Variants in PLCB4 observed in about 807,000 individuals in gnomAD.
PLCB4 encodes phospholipase C beta 4, also known as 1-phosphatidylinositol 4,5-bisphosphate phosphodiesterase beta-4.
PLCB4 carries 77 observed loss-of-function variants against 178.8 expected under a neutral mutation model. That is an observed-to-expected ratio of 0.43 (90% CI 0.36 to 0.52). The LOEUF is 0.52. Ranked by LOEUF, PLCB4 falls within the 20% of genes least tolerant of loss-of-function variation. The pLI is 0.00. For synonymous variants in PLCB4, 496 were observed against 490.8 expected, an observed-to-expected ratio of 1.01 and a Z score of -0.14; for missense variants, 1,024 against 1,453.4, an observed-to-expected ratio of 0.70 and a Z score of 4.80.
At chr20:9,203,056 AATATAT>A (rs55690764) in intron 2 of PLCB4, among the ~76,000 whole-genome samples, 72 of 126,148 alleles carry the variant, frequency 5.7e-4, no homozygotes, top group East Asian at 5.2e-3. Flanking sequence ...AAAAAAAAAA[AATATAT>A]ATATATATAT....
chr20:9,337,496 G>C (rs573487885), intron 5 of PLCB4, among the ~76,000 whole-genome samples: 86 of 152,250 alleles, frequency 5.6e-4, no homozygotes, highest in Non-Finnish European at 1.0e-3. Context: ...TTAATCTTGG[G>C]AGTTAGAAAG....
At chr20:9,194,674 C>A in intron 2 of PLCB4, among the ~76,000 whole-genome samples, 1 of 110,740 alleles carries the variant, frequency 9.0e-6, no homozygotes, top group Non-Finnish European at 1.7e-5. Flanking sequence ...GCCTGGGCGA[C>A]AGAGCAAGAC....
At chr20:9,410,106 T>C (rs1401476378) in intron 24 of PLCB4, among the ~76,000 whole-genome samples, 3 of 152,334 alleles carry the variant, frequency 2.0e-5, no homozygotes, top group African/African-American at 7.2e-5. Context: ...GTGGATTGAG[T>C]GGAAGATCCT....
rs1209258606 is a variant in PLCB4 at position 9,314,457 on chromosome 20, G to A, written c.84+6559G>A. Among the ~76,000 whole-genome samples the A allele has an allele frequency of 2.0e-5, 3 of 152,118 alleles. No homozygotes were observed. In the East Asian group the frequency reaches 5.8e-4, roughly 29 times the overall value. On this transcript the variant is annotated intron_variant, in intron 4 of 39. Transcript: ENST00000378473. ...AACCTGGTGGATGTAGAGTATGTGA[G>A]AGAATAAGTGTAGAATGAGGTTGGA...
At chr20:9,129,495 T>C (rs564517432) in intron 2 of PLCB4, among the ~76,000 whole-genome samples, 14 of 152,292 alleles carry the variant, frequency 9.2e-5, no homozygotes, top group African/African-American at 3.1e-4. Flanking sequence ...TCCTGGAATA[T>C]TTCCTCCCAA....
chr20:9,187,272 C>G (rs2093341884), intron 2 of PLCB4, among the ~76,000 whole-genome samples: 1 of 152,068 alleles, frequency 6.6e-6, no homozygotes, highest in African/African-American at 2.4e-5. Flanking sequence ...CCATGCCCGG[C>G]CTACTTGTCA....
chr20:9,404,020 G>A (rs1318071034), intron 20 of PLCB4, among the ~76,000 whole-genome samples: 1 of 152,228 alleles, frequency 6.6e-6, no homozygotes, highest in African/African-American at 2.4e-5. Flanking sequence ...GTTTTGATGT[G>A]AAGGGGAGCA....
intron 2 of PLCB4, among the ~76,000 whole-genome samples, chr20:9,154,633 T>A (rs1055122441): frequency 6.6e-6 from 1 of 152,148 alleles, no homozygotes; most frequent in Non-Finnish European, 1.5e-5. Flanking sequence ...CAGATATTGA[T>A]CAGCTACCAT....
intron 2 of PLCB4, among the ~76,000 whole-genome samples, chr20:9,215,257 T>C (rs2093717095): frequency 6.6e-6 from 1 of 152,032 alleles, no homozygotes; most frequent in Admixed American, 6.6e-5. Flanking sequence ...TTCATGGGAG[T>C]CGTATCTTCA....
intron 4 of PLCB4, among the ~76,000 whole-genome samples, chr20:9,312,544 T>C (rs1398968808): frequency 6.6e-6 from 1 of 152,050 alleles, no homozygotes; most frequent in Non-Finnish European, 1.5e-5. Context: ...CCAAGGTGGT[T>C]CTGAAATCAA....
At chr20:9,315,394 A>G (rs778272696) in intron 4 of PLCB4, among the ~76,000 whole-genome samples, 3 of 152,230 alleles carry the variant, frequency 2.0e-5, no homozygotes, top group Non-Finnish European at 2.9e-5. Flanking sequence ...GAACAAGACA[A>G]ACAAAGTCTC....
intron 28 of PLCB4, among the ~76,000 whole-genome samples, chr20:9,431,805 C>T (rs750667563): frequency 5.3e-5 from 8 of 152,016 alleles, no homozygotes; most frequent in African/African-American, 1.7e-4. Flanking sequence ...CCACCGTGAC[C>T]GGCCTCCGCT....
rs752213225 is a variant in PLCB4 at position 9,253,284 on chromosome 20, G to A, written c.-16+35832G>A. On this transcript the variant is annotated intron_variant, in intron 3 of 39. Coordinates refer to ENST00000378473, the MANE Select transcript of PLCB4 (RefSeq NM_001377142.1). Reference sequence around the variant, plus strand: ...CCGACTAGAATCAGCTATACTTGCTGGAGTTGCACATTCTTGGTCTTTGTC... The same window carrying A: ...CCGACTAGAATCAGCTATACTTGCTAGAGTTGCACATTCTTGGTCTTTGTC... Among the ~76,000 whole-genome samples, 125 of 152,154 alleles carry A rather than the reference G, an allele frequency of 8.2e-4. 1 individual carries two copies. The highest frequency in any genetic ancestry group is 5.2e-3 in the Admixed American group (80 of 15,270).
At chr20:9,434,602 G>A (rs962828232) in intron 28 of PLCB4, among the ~76,000 whole-genome samples, 3 of 151,982 alleles carry the variant, frequency 2.0e-5, no homozygotes, top group Non-Finnish European at 2.9e-5. Flanking sequence ...TCTTGAACTC[G>A]TGACCTCAGG....
chr20:9,479,879 A>T lies in PLCB4; in HGVS notation c.*870A>T, dbSNP rs770044509. ...GGAATACTAGAACTATGTTTGCATG[A>T]TACACAAGCACCAATAAAGACTAAT... is the stretch of plus-strand genomic sequence containing the variant. On this transcript the variant is annotated 3_prime_UTR_variant, in exon 40 of 40. Transcript: ENST00000378473. The T allele has an allele frequency of 3.9e-5, 6 of 152,546 alleles. No homozygotes were observed. The highest frequency in any genetic ancestry group is 2.0e-4 in the Admixed American group (3 of 15,278). The allele number at this position is 152,546 out of a possible 1,614,324, so 9.4% of individuals were successfully genotyped here.
chr20:9,351,668 G>T (rs2034359147), intron 7 of PLCB4, among the ~76,000 whole-genome samples: 1 of 152,078 alleles, frequency 6.6e-6, no homozygotes, highest in African/African-American at 2.4e-5. Context: ...CCTTTTAGTA[G>T]CTCTTATATT....
chr20:9,186,015 T>A (rs1456796187), intron 2 of PLCB4, among the ~76,000 whole-genome samples: 1 of 152,248 alleles, frequency 6.6e-6, no homozygotes, highest in Non-Finnish European at 1.5e-5. Context: ...CTCTCTAGAA[T>A]GTAAGTGCCA....
chr20:9,085,706 C>T (rs1275385252), intron 1 of PLCB4, among the ~76,000 whole-genome samples: 5 of 152,168 alleles, frequency 3.3e-5, no homozygotes, highest in Non-Finnish European at 7.3e-5. Flanking sequence ...GTAACCTTGA[C>T]ATTTAAGATA....
At chr20:9,285,310 T>C (rs1236770718) in intron 3 of PLCB4, among the ~76,000 whole-genome samples, 11 of 151,968 alleles carry the variant, frequency 7.2e-5, no homozygotes, top group Admixed American at 7.2e-4. Context: ...AGAGCCAACT[T>C]ATTGGTTTCA....
Sources: allele counts gnomAD v4.1 joint callset (sites outside exome capture counted in the v4.1 genomes callset), GRCh38; gene constraint gnomAD v4.1.1; transcripts MANE v1.5; gene names NCBI Gene and HGNC (gene_info 2026-07-23, HGNC 2026-07-21).